Variants in ZBTB46 observed in about 807,000 individuals in gnomAD.
The protein encoded by ZBTB46 is zinc finger and BTB domain-containing protein 46.
In ZBTB46, 8 loss-of-function variants were observed where a neutral mutation model predicts 44.1. That is an observed-to-expected ratio of 0.18 (90% CI 0.11 to 0.33). ZBTB46 has a LOEUF of 0.33. ZBTB46 is among the 10% of genes least tolerant of loss of function. The pLI is 1.00. For missense variants in ZBTB46, 651 were observed against 847.7 expected, an observed-to-expected ratio of 0.77 and a Z score of 2.88; for synonymous variants, 409 against 382.3, an observed-to-expected ratio of 1.07 and a Z score of -0.81.
chr20:63,785,577 A>G lies in ZBTB46; in HGVS notation c.937+4244T>C, dbSNP rs115430560. 2.2e-3 allele frequency among the ~76,000 whole-genome samples: 337 copies of G among 152,300 alleles called. 1 individual carries two copies. The highest frequency in any genetic ancestry group is 7.8e-3 in the African/African-American group (323 of 41,566). ...TGTCTCAAAAATAAAAAAAATTTAA[A>G]AAAGGGCCTTTGCTTCTATAAATGG... is the stretch of plus-strand genomic sequence containing the variant. On this transcript the variant is annotated intron_variant, in intron 2 of 4. Coordinates refer to ENST00000245663, the MANE Select transcript of ZBTB46 (RefSeq NM_001369741.1).
At chr20:63,783,454 T>C (rs1056484237) in intron 2 of ZBTB46, among the ~76,000 whole-genome samples, 1 of 152,096 alleles carries the variant, frequency 6.6e-6, no homozygotes, top group African/African-American at 2.4e-5. Context: ...CAAAAAATAC[T>C]CTGTCCAGTG....
chr20:63,759,700 C>T (rs1043047548), intron 3 of ZBTB46, among the ~76,000 whole-genome samples: 4 of 152,110 alleles, frequency 2.6e-5, no homozygotes, highest in Non-Finnish European at 5.9e-5. Flanking sequence ...TAAGTGGTGA[C>T]GATGGGCGTC....
intron 3 of ZBTB46, among the ~76,000 whole-genome samples, chr20:63,756,564 T>G (rs1177280902): frequency 6.6e-6 from 1 of 152,254 alleles, no homozygotes; most frequent in African/African-American, 2.4e-5. Context: ...CAGATTATTT[T>G]CAAAAACGTT....
At chr20:63,804,029 G>A (rs1189101458) in intron 1 of ZBTB46, among the ~76,000 whole-genome samples, 2 of 152,124 alleles carry the variant, frequency 1.3e-5, no homozygotes, top group Non-Finnish European at 2.9e-5. Context: ...GGCGTCCCCA[G>A]CCAGAGCCCA....
chr20:63,778,877 G>A (rs1203314111), intron 2 of ZBTB46, among the ~76,000 whole-genome samples: 1 of 152,222 alleles, frequency 6.6e-6, no homozygotes, highest in African/African-American at 2.4e-5. Context: ...ACCACAGGCA[G>A]GGCGGCTTAA....
Position 63,775,608 on chromosome 20 carries a change from G to A in ZBTB46, c.1222+70C>T, listed in dbSNP as rs190991034. 4.1e-4 allele frequency: 620 copies of A among 1,501,368 alleles called. 5 individuals are homozygous for A. The African/African-American group carries it at 7.8e-3, about 19-fold the overall frequency. The allele number at this position is 1,501,368 out of a possible 1,614,324, so 93.0% of individuals were successfully genotyped here. A position where few individuals can be genotyped will look rare whatever the true frequency, so the allele number is the denominator to read the frequency against. The stretch of plus-strand genomic sequence containing the variant: ...AGACCCTCAGCCTCATCTCATCTTG[G>A]CCCGGGACCTGCAACCCTCAGCCTT... On this transcript the variant is annotated intron_variant, in intron 3 of 4. Coordinates refer to ENST00000245663, the MANE Select transcript of ZBTB46 (RefSeq NM_001369741.1).
At position 63,803,375 on chromosome 20, in the gene ZBTB46, T is replaced by G; in HGVS notation, c.-33-12585A>C. ...CGCATTTCAAAATTTTTAAGTGAGC[T>G]CCTGACTAGAAAACACTCCAAGACA... On this transcript the variant is annotated intron_variant, in intron 1 of 4. Coordinates refer to ENST00000245663, the MANE Select transcript of ZBTB46 (RefSeq NM_001369741.1). This position sits in a 1 kb window ranked among gnomAD's most constrained non-coding sequence, Gnocchi z 4.0. 1 of 985,454 alleles carries G rather than the reference T, an allele frequency of 1.0e-6. No individual in the cohort carries two copies. Among genetic ancestry groups the G allele is most frequent in the Non-Finnish European group, 1.2e-6 (1 of 829,934 alleles). The allele number at this position is 985,454 out of a possible 1,614,324, so 61.0% of individuals were successfully genotyped here.
Position 63,760,058 on chromosome 20 carries a change from G to T in ZBTB46, c.1223-7197C>A, listed in dbSNP as rs575683780. 9.3e-4 allele frequency among the ~76,000 whole-genome samples: 142 copies of T among 152,190 alleles called. 1 individual carries two copies. The highest frequency in any genetic ancestry group is 1.6e-3 in the Non-Finnish European group (107 of 68,038). On this transcript the variant is annotated intron_variant, in intron 3 of 4. Coordinates refer to ENST00000245663, the MANE Select transcript of ZBTB46 (RefSeq NM_001369741.1). ...TTTGCTGGTATTTACTTTAATAGTT[G>T]CACATCTCTGCTGAGTGATAATTTC...
intron 1 of ZBTB46, among the ~76,000 whole-genome samples, chr20:63,825,862 T>C (rs1188437103): frequency 1.3e-5 from 2 of 152,210 alleles, no homozygotes; most frequent in Non-Finnish European, 2.9e-5. Context: ...GAGCCATAGT[T>C]TTGCTCCCCA....
chr20:63,800,348 G>A (rs974317606), intron 1 of ZBTB46, among the ~76,000 whole-genome samples: 1 of 152,212 alleles, frequency 6.6e-6, no homozygotes, highest in Non-Finnish European at 1.5e-5. Context: ...TGGGGTAGGG[G>A]GAGAGGCTGC....
chr20:63,796,454 T>C lies in ZBTB46; in HGVS notation c.-33-5664A>G, dbSNP rs369806662. On this transcript the variant is annotated intron_variant, in intron 1 of 4. Coordinates refer to ENST00000245663, the MANE Select transcript of ZBTB46 (RefSeq NM_001369741.1). ...CATCAACTCACACTGTTTTACCACA[T>C]TCACACTTGATCTCTCTGTTTTGCC... Among the ~76,000 whole-genome samples, 24 of 152,378 alleles carry C rather than the reference T, an allele frequency of 1.6e-4. No individual in the cohort carries two copies. The South Asian group carries it at 4.8e-3, about 30-fold the overall frequency.
Position 63,790,342 on chromosome 20 carries a change from T to C in ZBTB46, c.416A>G (p.Asp139Gly), listed in dbSNP as rs2092551357. ...GCCGATCTCGAACTCCGCAAGCTCA[T>C]CTGAGGCGTCCGACTTGATGCTGAT... ...LDISIKSDAS[D>G]ELAEFEIGAS... The change falls in exon 2 of 5, where the codon GAT becomes GGT. Residue 139 changes from aspartate (D) to glycine (G), a missense_variant. By Grantham distance (94) the Asp-to-Gly change is moderately conservative (BLOSUM62 -1). Coordinates refer to ENST00000245663, the MANE Select transcript of ZBTB46 (RefSeq NM_001369741.1). The C allele has an allele frequency of 2.5e-6, 4 of 1,613,254 alleles. No homozygotes were observed. Among genetic ancestry groups the C allele is most frequent in the South Asian group, 1.1e-5 (1 of 91,068 alleles).
chr20:63,763,014 C>A (rs182535733), intron 3 of ZBTB46, among the ~76,000 whole-genome samples: 36 of 152,240 alleles, frequency 2.4e-4, no homozygotes, highest in African/African-American at 8.4e-4. Flanking sequence ...GTGAGCACCA[C>A]CAAACCCAGC....
intron 3 of ZBTB46, among the ~76,000 whole-genome samples, chr20:63,765,432 G>A (rs996456587): frequency 2.0e-5 from 3 of 152,082 alleles, no homozygotes; most frequent in Non-Finnish European, 4.4e-5. Flanking sequence ...ATGTGTGGGC[G>A]TTTCTTTTCT....
chr20:63,765,673 T>A (rs931433974), intron 3 of ZBTB46, among the ~76,000 whole-genome samples: 3 of 151,110 alleles, frequency 2.0e-5, no homozygotes, highest in Admixed American at 6.6e-5. Context: ...TAAGCAATCC[T>A]CCCGCCACAA....
At chr20:63,786,802 GC>G (rs2092519572) in intron 2 of ZBTB46, among the ~76,000 whole-genome samples, 1 of 152,106 alleles carries the variant, frequency 6.6e-6, no homozygotes, top group Admixed American at 6.5e-5. Context: ...GAGCCACCCC[GC>G]CCGGCCTCGG....
intron 2 of ZBTB46, among the ~76,000 whole-genome samples, chr20:63,779,441 A>G (rs1325277757): frequency 2.2e-5 from 2 of 89,842 alleles, no homozygotes; most frequent in African/African-American, 4.8e-5. Flanking sequence ...TTTTTTTGAG[A>G]CGGAGTCTTG....
intron 1 of ZBTB46, among the ~76,000 whole-genome samples, chr20:63,815,680 G>A (rs1416756502): frequency 1.3e-5 from 2 of 149,008 alleles, no homozygotes; most frequent in African/African-American, 2.5e-5. Flanking sequence ...GTGGGCATAG[G>A]TGCAGTGAGT....
At chr20:63,828,871 G>A (rs2092833501) in intron 1 of ZBTB46, among the ~76,000 whole-genome samples, 1 of 152,212 alleles carries the variant, frequency 6.6e-6, no homozygotes, top group African/African-American at 2.4e-5. Context: ...CTGAGAGGCC[G>A]GGCTAAGACC....
Sources: gnomAD v4.1 joint callset for allele counts (sites outside exome capture counted in the v4.1 genomes callset) on GRCh38, gnomAD v4.1.1 for gene constraint, Gnocchi (gnomAD v3.1) non-coding constraint, MANE v1.5 for transcripts, NCBI Gene and HGNC (gene_info 2026-07-23, HGNC 2026-07-21) for gene names.